THEMIS: variants seen among roughly 807,000 people sequenced by gnomAD.
The protein encoded by THEMIS is thymocyte selection associated.
Under a neutral mutation model 52.6 loss-of-function variants are expected in THEMIS, and 37 were observed. That is an observed-to-expected ratio of 0.70 (90% CI 0.54 to 0.93). The LOEUF (loss-of-function observed/expected upper bound fraction) is 0.93. Among genes scored for constraint, THEMIS ranks in the 40% least tolerant of loss-of-function variants. The pLI, the probability that THEMIS is intolerant of heterozygous loss-of-function variation, is 0.00. For missense variants in THEMIS, 808 were observed against 763.1 expected (o/e 1.06, Z -0.69); for synonymous variants, 292 against 272.7 (o/e 1.07, Z -0.70).
intron 2 of THEMIS, among the ~76,000 whole-genome samples, chr6:127,842,991 T>G (rs2114701159): frequency 6.6e-6 from 1 of 152,032 alleles, no homozygotes; most frequent in East Asian, 1.9e-4. Flanking sequence ...AAGAGTTTCC[T>G]GACAACTTGA....
intron 1 of THEMIS, among the ~76,000 whole-genome samples, chr6:127,911,975 A>G (rs1166048103): frequency 6.6e-6 from 1 of 151,980 alleles, no homozygotes; most frequent in Non-Finnish European, 1.5e-5. Context: ...CCTCAATTTC[A>G]GTTTGTCTGA....
chr6:127,699,304 T>C, the THEMIS span, among the ~76,000 whole-genome samples: 1 of 151,674 alleles, frequency 6.6e-6, no homozygotes, highest in Non-Finnish European at 1.5e-5. Flanking sequence ...CTGTGTGTGG[T>C]TTCTATGTTT....
At chr6:127,912,373 C>T (rs900944128) in intron 1 of THEMIS, among the ~76,000 whole-genome samples, 28 of 152,118 alleles carry the variant, frequency 1.8e-4, no homozygotes, top group African/African-American at 6.8e-4. Context: ...ACTGCTATTG[C>T]AAAATTGTAA....
chr6:127,837,623 C>CAT lies in THEMIS; in HGVS notation c.251-7691_251-7690dup, dbSNP rs1044494461. On this transcript the variant is annotated intron_variant, in intron 2 of 5. Transcript: ENST00000368248. ...TGTGTAGTATGTGTATATATGTATGCATATATATATATCTATATATATTCT... is the reference window on the plus strand; with the variant it reads ...TGTGTAGTATGTGTATATATGTATGCATATATATATATATCTATATATATTCT... Among the ~76,000 whole-genome samples the CAT allele has an allele frequency of 3.0e-4, 45 of 151,104 alleles. 1 individual carries two copies. Among genetic ancestry groups the CAT allele is most frequent in the East Asian group, 1.7e-3 (9 of 5,156 alleles).
intron 4 of THEMIS, among the ~76,000 whole-genome samples, chr6:127,766,052 T>G (rs553468270): frequency 6.6e-6 from 1 of 152,242 alleles, no homozygotes; most frequent in South Asian, 2.1e-4. Context: ...AGATCAAAAT[T>G]TAGCACCCCA....
intron 2 of THEMIS, among the ~76,000 whole-genome samples, chr6:127,841,401 A>G (rs1221162493): frequency 2.0e-5 from 3 of 152,106 alleles, no homozygotes; most frequent in African/African-American, 7.2e-5. Flanking sequence ...TTAAGGTAGC[A>G]TCATAAAAAG....
chr6:127,735,928 A>G (rs1774989772), intron 4 of THEMIS, among the ~76,000 whole-genome samples: 1 of 152,242 alleles, frequency 6.6e-6, no homozygotes, highest in African/African-American at 2.4e-5. Context: ...AGCATTCATG[A>G]AACTACATAA....
chr6:127,782,775 G>A (rs910014648), intron 4 of THEMIS, among the ~76,000 whole-genome samples: 1 of 152,068 alleles, frequency 6.6e-6, no homozygotes, highest in East Asian at 1.9e-4. Flanking sequence ...CATGCTCATG[G>A]ATAGGAAGAA....
chr6:127,734,711 A>G (rs1774928031), intron 4 of THEMIS, among the ~76,000 whole-genome samples: 1 of 151,534 alleles, frequency 6.6e-6, no homozygotes, highest in African/African-American at 2.4e-5. Flanking sequence ...TCTACTAAAA[A>G]TACAAAAAAT....
chr6:127,721,930 T>C (rs915806551), intron 4 of THEMIS, among the ~76,000 whole-genome samples: 2 of 152,034 alleles, frequency 1.3e-5, no homozygotes, highest in African/African-American at 4.8e-5. Context: ...AGTTAAGAAT[T>C]CATGCAAGTT....
chr6:127,828,916 A>G (rs374135032), intron 3 of THEMIS, among the ~76,000 whole-genome samples: 3 of 152,296 alleles, frequency 2.0e-5, no homozygotes, highest in African/African-American at 7.2e-5. Context: ...TCAAAACAAA[A>G]AAACAAACAA....
chr6:127,898,246 A>C (rs1781031406), intron 1 of THEMIS, among the ~76,000 whole-genome samples: 1 of 151,726 alleles, frequency 6.6e-6, no homozygotes, highest in South Asian at 2.1e-4. Flanking sequence ...TCTTAATTGA[A>C]GTAAAACATA....
chr6:127,699,509 A>G, the THEMIS span, among the ~76,000 whole-genome samples: 1 of 150,246 alleles, frequency 6.7e-6, no homozygotes, highest in African/African-American at 2.4e-5. Flanking sequence ...TTCTTCCACT[A>G]AACATTCCCC....
intron 2 of THEMIS, among the ~76,000 whole-genome samples, chr6:127,847,286 CA>C (rs764419243): frequency 5.3e-5 from 8 of 151,854 alleles, no homozygotes; most frequent in Non-Finnish European, 1.2e-4. Flanking sequence ...CTAGCCACAG[CA>C]ATTAGACCAG....
intron 4 of THEMIS, among the ~76,000 whole-genome samples, chr6:127,760,085 T>C (rs78396165): frequency 6.9e-6 from 1 of 144,928 alleles, no homozygotes; most frequent in Non-Finnish European, 1.5e-5. Context: ...TCGAATCTCT[T>C]TTTTTTTTTT....
At chr6:127,713,704 A>G (rs1774061860) in intron 5 of THEMIS, among the ~76,000 whole-genome samples, 1 of 151,900 alleles carries the variant, frequency 6.6e-6, no homozygotes, top group Non-Finnish European at 1.5e-5. Flanking sequence ...GGGAAAGATT[A>G]TGCCATTTAG....
chr6:127,816,183 G>T (rs1778126786), intron 3 of THEMIS, among the ~76,000 whole-genome samples: 1 of 151,942 alleles, frequency 6.6e-6, no homozygotes, highest in African/African-American at 2.4e-5. Flanking sequence ...TGTCACTTGT[G>T]ATTCTTCTCA....
At chr6:127,872,618 A>G (rs1255651654) in intron 1 of THEMIS, among the ~76,000 whole-genome samples, 1 of 152,086 alleles carries the variant, frequency 6.6e-6, no homozygotes, top group East Asian at 1.9e-4. Flanking sequence ...AATTGCTTAA[A>G]TTGGTAAGGA....
At chr6:127,828,108 T>C (rs1778571030) in intron 3 of THEMIS, among the ~76,000 whole-genome samples, 1 of 152,212 alleles carries the variant, frequency 6.6e-6, no homozygotes, top group Non-Finnish European at 1.5e-5. Flanking sequence ...TTAAATGCCA[T>C]TTCCTCGGAG....
Sources: gnomAD v4.1 joint callset for allele counts (sites outside exome capture counted in the v4.1 genomes callset) on GRCh38, gnomAD v4.1.1 for gene constraint, MANE v1.5 for transcripts, NCBI Gene and HGNC (gene_info 2026-07-23, HGNC 2026-07-21) for gene names.